The following RUSC2 variants were observed in gnomAD, a reference collection of about 807,000 sequenced individuals.
The protein encoded by RUSC2 is AP-4 complex accessory subunit RUSC2.
RUSC2 carries 34 observed loss-of-function variants against 122.2 expected under a neutral mutation model. The ratio of observed to expected loss-of-function variants is 0.28; its 90% CI spans 0.21 to 0.37. The LOEUF (loss-of-function observed/expected upper bound fraction) is 0.37, where lower values mean the gene tolerates loss of function less well. Ranked by LOEUF, RUSC2 falls within the 10% of genes least tolerant of loss-of-function variation. The pLI, the probability that RUSC2 is intolerant of heterozygous loss-of-function variation, is 1.00. For synonymous variants in RUSC2, 784 were observed against 790.0 expected (o/e 0.99, Z 0.13); for missense variants, 1,747 against 1,952.4 (o/e 0.89, Z 1.98).
intron 1 of RUSC2, among the ~76,000 whole-genome samples, chr9:35,503,360 T>C (rs1384589203): frequency 5.3e-5 from 8 of 152,200 alleles, no homozygotes; most frequent in African/African-American, 1.4e-4. Context: ...ACATAAGATA[T>C]TTGGTTTTCC....
Position 35,558,028 on chromosome 9 carries a change from A to G in RUSC2, c.3060+38A>G. ...ATGTGGAGAGCTGAGCTCTGCCTGC[A>G]AGCCCTCACCTGTCCCGCGCTACCA... On this transcript the variant is annotated intron_variant, in intron 6 of 11. Transcript: ENST00000361226. This position sits in a 1 kb window ranked among gnomAD's most constrained non-coding sequence, Gnocchi z 4.3. 1 of 1,599,746 alleles carries G rather than the reference A, an allele frequency of 6.3e-7. No individual in the cohort carries two copies. Among genetic ancestry groups the G allele is most frequent in the Non-Finnish European group, 8.6e-7 (1 of 1,167,008 alleles).
Position 35,546,609 on chromosome 9 carries a change from T to C in RUSC2, c.88T>C (p.Cys30Arg). Residue 30 changes from cysteine to arginine, a missense_variant, in exon 2 of 12, where the codon TGT becomes CGT. Coordinates refer to ENST00000361226, the MANE Select transcript of RUSC2 (RefSeq NM_014806.5). The surrounding 1 kb of genome is among the most constrained non-coding windows in gnomAD (Gnocchi z 4.3). ...VHCQVPDRQC[C>R]GGAGGGGGST... ...CTGCCAAGTCCCAGACAGGCAGTGCTGTGGAGGGGCAGGTGGAGGTGGTGG... is the reference window on the plus strand; with the variant it reads ...CTGCCAAGTCCCAGACAGGCAGTGCCGTGGAGGGGCAGGTGGAGGTGGTGG... The C allele has an allele frequency of 6.4e-7, 1 of 1,552,716 alleles. No individual in the cohort carries two copies. The highest frequency in any genetic ancestry group is 8.7e-7 in the Non-Finnish European group (1 of 1,151,872).
In RUSC2 at chr9:35,555,245, C is replaced by T. The variant is rs1821985451; in HGVS notation, c.2200C>T (p.Leu734=). 2 of 1,613,106 alleles carry T rather than the reference C, an allele frequency of 1.2e-6. No individual in the cohort carries two copies. The highest frequency in any genetic ancestry group is 2.2e-5 in the South Asian group (2 of 91,086). ...GCSRTQQPAP[L]AAPAAQVSVP... is the part of the protein sequence containing the mutation. The stretch of plus-strand genomic sequence containing the variant: ...CAGCCGTACACAGCAGCCTGCCCCA[C>T]TGGCTGCCCCTGCTGCTCAAGTCTC... The change falls in exon 3 of 12, where the codon CTG becomes TTG. Residue 734 remains leucine (L), a synonymous_variant. Coordinates refer to ENST00000361226, the MANE Select transcript of RUSC2 (RefSeq NM_014806.5). The surrounding 1 kb of genome is among the most constrained non-coding windows in gnomAD (Gnocchi z 4.6).
At chr9:35,502,196 C>T (rs938648189) in intron 1 of RUSC2, among the ~76,000 whole-genome samples, 1 of 152,210 alleles carries the variant, frequency 6.6e-6, no homozygotes, top group African/African-American at 2.4e-5. Flanking sequence ...TGCTGATCTG[C>T]AGACCACACT....
intron 1 of RUSC2, among the ~76,000 whole-genome samples, chr9:35,521,330 A>G (rs1342507410): frequency 6.6e-6 from 1 of 152,224 alleles, no homozygotes; most frequent in Non-Finnish European, 1.5e-5. Context: ...CTGGATCAGC[A>G]GAAGAAAATA....
chr9:35,539,858 G>A (rs1396687187), intron 1 of RUSC2, among the ~76,000 whole-genome samples: 1 of 152,158 alleles, frequency 6.6e-6, no homozygotes. Flanking sequence ...GTCAGGAAAA[G>A]CGTTATCAGT....
rs1003076276 is a variant in RUSC2 at position 35,546,393 on chromosome 9, G to A, written c.-92-37G>A. On this transcript the variant is annotated intron_variant, in intron 1 of 11. Transcript: ENST00000361226. This position sits in a 1 kb window ranked among gnomAD's most constrained non-coding sequence, Gnocchi z 4.3. ...GGGCATGCCCCTGACTTCCAGGGAG[G>A]TGACATTAGGTTCCCTTTCTTTCCC... 3 of 587,076 alleles carry A rather than the reference G, an allele frequency of 5.1e-6. No individual in the cohort carries two copies. The highest frequency in any genetic ancestry group is 4.1e-4 in the Middle Eastern group (1 of 2,460). The allele number at this position is 587,076 out of a possible 1,614,324, so 36.4% of individuals were successfully genotyped here.
intron 1 of RUSC2, among the ~76,000 whole-genome samples, chr9:35,498,851 A>G (rs567034964): frequency 6.6e-6 from 1 of 151,556 alleles, no homozygotes; most frequent in African/African-American, 2.4e-5. Context: ...CTCAAAAAAA[A>G]AAAAACAAAA....
rs111518339 is a variant in RUSC2, at chr9:35,495,686, A to C, written c.-93+5514A>C. Among the ~76,000 whole-genome samples the C allele has an allele frequency of 5.9e-3, 899 of 152,090 alleles. 15 individuals carry two copies. Among genetic ancestry groups the C allele is most frequent in the African/African-American group, 0.021 (863 of 41,502 alleles). On this transcript the variant is annotated intron_variant, in intron 1 of 11. Transcript: ENST00000361226. Reference sequence around the variant, plus strand: ...AGATTCCATATGAATTTTAGGATGGATTTTACTATTTATGCAAAAAACATT... The same window carrying C: ...AGATTCCATATGAATTTTAGGATGGCTTTTACTATTTATGCAAAAAACATT...
chr9:35,547,107 G>A lies in RUSC2; in HGVS notation c.586G>A (p.Glu196Lys). 6.2e-7 allele frequency: 1 copy of A among 1,614,192 alleles called. No homozygotes were observed. The highest frequency in any genetic ancestry group is 1.1e-5 in the South Asian group (1 of 91,080). Reference sequence around the variant, plus strand: ...CAGCCACTGCTGCCGGCCAGAGCTGGAAGCAGAGACTATGGAGCTGGATGA... The same window carrying A: ...CAGCCACTGCTGCCGGCCAGAGCTGAAAGCAGAGACTATGGAGCTGGATGA... ...GTSHCCRPEL[E>K]AETMELDECG... Residue 196 changes from glutamate (E) to lysine (K), a missense_variant, in exon 2 of 12, where the codon GAA (glutamate) becomes AAA (lysine). Coordinates refer to ENST00000361226, the MANE Select transcript of RUSC2 (RefSeq NM_014806.5). The surrounding 1 kb of genome is among the most constrained non-coding windows in gnomAD (Gnocchi z 4.6).
intron 1 of RUSC2, among the ~76,000 whole-genome samples, chr9:35,526,192 T>C (rs1333466281): frequency 1.3e-5 from 2 of 152,190 alleles, no homozygotes; most frequent in Non-Finnish European, 2.9e-5. Context: ...CCAATGTTTA[T>C]ATTCATGCCT....
chr9:35,548,642 G>T lies in RUSC2; in HGVS notation c.2014+107G>T. On this transcript the variant is annotated intron_variant, in intron 2 of 11. Transcript: ENST00000361226. The surrounding 1 kb of genome is among the most constrained non-coding windows in gnomAD (Gnocchi z 4.5). Reference sequence around the variant, plus strand: ...GACCACCCCATCCATACCACTAGAGGTTCCACATCCTAGATCTGTTATCCT... The same window carrying T: ...GACCACCCCATCCATACCACTAGAGTTTCCACATCCTAGATCTGTTATCCT... 6.9e-7 allele frequency: 1 copy of T among 1,439,606 alleles called. No homozygotes were observed. The allele number at this position is 1,439,606 out of a possible 1,614,324, so 89.2% of individuals were successfully genotyped here.
intron 1 of RUSC2, among the ~76,000 whole-genome samples, chr9:35,498,062 A>C (rs1269533797): frequency 6.6e-6 from 1 of 152,170 alleles, no homozygotes; most frequent in African/African-American, 2.4e-5. Flanking sequence ...GGGTATTTGC[A>C]ACTAATCATT....
At chr9:35,496,487 C>T (rs767799431) in intron 1 of RUSC2, among the ~76,000 whole-genome samples, 2 of 152,184 alleles carry the variant, frequency 1.3e-5, no homozygotes, top group African/African-American at 2.4e-5. Context: ...TTGCACTTGG[C>T]CAGCCCATCT....
intron 1 of RUSC2, among the ~76,000 whole-genome samples, chr9:35,511,404 G>C (rs1821008300): frequency 6.6e-6 from 1 of 152,156 alleles, no homozygotes; most frequent in African/African-American, 2.4e-5. Flanking sequence ...ACTTGAGTAT[G>C]AGTATGGTAT....
chr9:35,508,403 T>C (rs1330572840), intron 1 of RUSC2, among the ~76,000 whole-genome samples: 2 of 152,226 alleles, frequency 1.3e-5, no homozygotes, highest in Admixed American at 6.5e-5. Flanking sequence ...CTCAGTGTAA[T>C]GTTTGAGATG....
intron 1 of RUSC2, among the ~76,000 whole-genome samples, chr9:35,543,376 C>G (rs531600790): frequency 6.6e-6 from 1 of 151,928 alleles, no homozygotes; most frequent in Non-Finnish European, 1.5e-5. Context: ...GAGCCATGAT[C>G]GCACCACTGC....
In RUSC2 at chr9:35,560,772, G is replaced by A. The variant is rs779606045; in HGVS notation, c.4132G>A (p.Glu1378Lys). 1 of 1,537,712 alleles carries A rather than the reference G, an allele frequency of 6.5e-7. No individual in the cohort carries two copies. Among genetic ancestry groups the A allele is most frequent in the East Asian group, 2.3e-5 (1 of 44,186 alleles). ...AGCAGAAAATGAGGAAGGGGCCTCA[G>A]AGCCTTCACCTGGAGGCATCAAGTG... ...SPAENEEGASEPSPGGIKWGH... is the reference protein window; with the variant it reads ...SPAENEEGASKPSPGGIKWGH... Residue 1378 changes from glutamate to lysine, a missense_variant, in exon 10 of 12, where the codon GAG becomes AAG. Physicochemically the swap from Glu to Lys is moderately conservative, Grantham distance 56. Coordinates refer to ENST00000361226, the MANE Select transcript of RUSC2 (RefSeq NM_014806.5).
chr9:35,525,269 G>T (rs1366253300), intron 1 of RUSC2, among the ~76,000 whole-genome samples: 2 of 152,162 alleles, frequency 1.3e-5, no homozygotes, highest in South Asian at 4.1e-4. Context: ...ATTCTTTGGA[G>T]ATTTTCACCT....
Sources: gnomAD v4.1 joint callset for allele counts (sites outside exome capture counted in the v4.1 genomes callset) on GRCh38, gnomAD v4.1.1 for gene constraint, Gnocchi (gnomAD v3.1) non-coding constraint, MANE v1.5 for transcripts, NCBI Gene and HGNC (gene_info 2026-07-23, HGNC 2026-07-21) for gene names.